EIF5B: variants seen among roughly 807,000 people sequenced by gnomAD.
EIF5B encodes the protein eukaryotic translation initiation factor 5B, also known as eIF-5B.
EIF5B carries 47 observed loss-of-function variants against 147.5 expected under a neutral mutation model. The ratio of observed to expected loss-of-function variants is 0.32; its 90% CI spans 0.25 to 0.41. The LOEUF (loss-of-function observed/expected upper bound fraction) is 0.41, where lower values mean the gene tolerates loss of function less well. Ranked by LOEUF, EIF5B falls within the 10% of genes least tolerant of loss-of-function variation. The pLI is 1.00. For missense variants in EIF5B, 1,064 were observed against 1,413.2 expected (o/e 0.75, Z 3.96); for synonymous variants, 455 against 456.2 (o/e 1.00, Z 0.03).
intron 14 of EIF5B, among the ~76,000 whole-genome samples, chr2:99,388,626 T>G (rs1674858908): frequency 6.6e-6 from 1 of 152,214 alleles, no homozygotes; most frequent in Non-Finnish European, 1.5e-5. Context: ...TACTGTTGAA[T>G]TTTTAGAATG....
At position 99,389,627 on chromosome 2, in the gene EIF5B, GAC is replaced by G. The variant is rs1674881876; in HGVS notation, c.2272-85_2272-84del. 5 of 1,250,176 alleles carry G rather than the reference GAC, an allele frequency of 4.0e-6. No individual in the cohort carries two copies. The South Asian group carries it at 6.3e-5, about 16-fold the overall frequency. 77.4% of individuals were successfully genotyped at this position (1,250,176 alleles called of 1,614,324 possible). On this transcript the variant is annotated intron_variant, in intron 14 of 23. Transcript: ENST00000289371. The stretch of plus-strand genomic sequence containing the variant: ...AAGTCACACTGTTCTGTATATATGA[GAC>G]ACACATGAGGAATTTTCTGGAGCTA...
intron 12 of EIF5B, 54 bp from the exon 13 acceptor site, chr2:99,382,105 G>A (rs1674702749): frequency 1.4e-6 from 2 of 1,476,902 alleles, no homozygotes; most frequent in Non-Finnish European, 1.9e-6. Context: ...GTTCTGTAAA[G>A]AAGCTTTCAT....
At chr2:99,343,969 A>G (rs1404372148) in intron 1 of EIF5B, among the ~76,000 whole-genome samples, 1 of 149,914 alleles carries the variant, frequency 6.7e-6, no homozygotes, top group Non-Finnish European at 1.5e-5. Flanking sequence ...CCTAGGCTGG[A>G]GTGCAGTGGC....
At chr2:99,396,954 C>G in intron 22 of EIF5B, 56 bp downstream of exon 22, 1 of 1,550,042 alleles carries the variant, frequency 6.5e-7, no homozygotes, top group Non-Finnish European at 8.7e-7. Flanking sequence ...AATGAGTGTC[C>G]AAGAGTCGTA....
At chr2:99,349,796 T>G (rs1673884341) in intron 1 of EIF5B, among the ~76,000 whole-genome samples, 1 of 152,206 alleles carries the variant, frequency 6.6e-6, no homozygotes, top group Admixed American at 6.5e-5. Context: ...CACTTGTCAT[T>G]TCTTTGTGAT....
intron 1 of EIF5B, among the ~76,000 whole-genome samples, chr2:99,347,737 A>G (rs796771285): frequency 6.6e-6 from 1 of 151,988 alleles, no homozygotes; most frequent in Non-Finnish European, 1.5e-5. Context: ...TGAGCTTTAC[A>G]TGACAGATTC....
At chr2:99,380,675 A>G (rs1010160396) in intron 12 of EIF5B, among the ~76,000 whole-genome samples, 4 of 152,196 alleles carry the variant, frequency 2.6e-5, no homozygotes, top group African/African-American at 9.7e-5. Context: ...CAAACAGAGC[A>G]TATGTTATTA....
At chr2:99,362,066 G>T (rs966202116) in intron 4 of EIF5B, among the ~76,000 whole-genome samples, 15 of 152,056 alleles carry the variant, frequency 9.9e-5, no homozygotes, top group African/African-American at 3.6e-4. Context: ...ATTGCATTAT[G>T]AAAACTATTT....
At position 99,396,764 on chromosome 2, in the gene EIF5B, A is replaced by C. The variant is rs1270582485; in HGVS notation, c.3259A>C (p.Ile1087Leu). The change falls in exon 22 of 24, where the codon ATA becomes CTA. Residue 1087 changes from isoleucine to leucine, a missense_variant. By Grantham distance (5) the Ile-to-Leu change is conservative. Transcript: ENST00000289371. ...KKQKQEEFKH[I>L]AVFPCKIKIL... Reference sequence around the variant, plus strand: ...TCTTTTCTTTTTTCCTTTCAGGCACATAGCAGTATTTCCCTGCAAGATAAA... The same window carrying C: ...TCTTTTCTTTTTTCCTTTCAGGCACCTAGCAGTATTTCCCTGCAAGATAAA... 1 of 1,602,546 alleles carries C rather than the reference A, an allele frequency of 6.2e-7. No individual in the cohort carries two copies. Among genetic ancestry groups the C allele is most frequent in the Non-Finnish European group, 8.5e-7 (1 of 1,177,002 alleles).
chr2:99,394,230 G>A, intron 18 of EIF5B, 37 bp from the exon 19 acceptor site: 1 of 1,584,218 alleles, frequency 6.3e-7, no homozygotes, highest in South Asian at 1.2e-5. Flanking sequence ...GGATAGAGGT[G>A]TGTTGACAAC....
chr2:99,397,922 A>G (rs1224313159), intron 22 of EIF5B: 1 of 144,022 alleles, frequency 6.9e-6, no homozygotes, highest in African/African-American at 2.6e-5. Context: ...TGAGTCATAG[A>G]CTCAGTGGGT....
chr2:99,352,429 A>G (rs917705445), intron 1 of EIF5B, among the ~76,000 whole-genome samples: 8 of 151,568 alleles, frequency 5.3e-5, no homozygotes, highest in Admixed American at 5.3e-4. Context: ...TCCCAACCTC[A>G]GGTGATCCAC....
chr2:99,398,640 C>T (rs1675120673), intron 22 of EIF5B, 108 bp from the exon 23 acceptor site: 4 of 1,253,474 alleles, frequency 3.2e-6, no homozygotes, highest in Non-Finnish European at 4.4e-6. Flanking sequence ...ACTGCCATGA[C>T]TTTTAAAACA....
At chr2:99,384,330 GAA>G (rs1342519533) in intron 14 of EIF5B, among the ~76,000 whole-genome samples, 1 of 151,926 alleles carries the variant, frequency 6.6e-6, no homozygotes, top group Non-Finnish European at 1.5e-5. Flanking sequence ...ACTGCTCAGA[GAA>G]AAAGATTGCT....
At chr2:99,354,121 A>G (rs1674042874) in intron 1 of EIF5B, among the ~76,000 whole-genome samples, 1 of 152,200 alleles carries the variant, frequency 6.6e-6, no homozygotes, top group South Asian at 2.1e-4. Context: ...TGTTTTCCAG[A>G]GTGGCATTGC....
In EIF5B at chr2:99,394,129, G is replaced by A. The variant is rs953770119; in HGVS notation, c.2881-138G>A. ...CCTCCTTCATTCCAGCACAGGTTCTGTGATGCCTTGCTCTATCTAAGCCTT... is the reference window on the plus strand; with the variant it reads ...CCTCCTTCATTCCAGCACAGGTTCTATGATGCCTTGCTCTATCTAAGCCTT... On this transcript the variant is annotated intron_variant, in intron 18 of 23. Coordinates refer to ENST00000289371, the MANE Select transcript of EIF5B (RefSeq NM_015904.4). 1.4e-5 allele frequency: 16 copies of A among 1,111,300 alleles called. No homozygotes were observed. In the African/African-American group the frequency reaches 1.7e-4, roughly 12 times the overall value. 68.8% of individuals were successfully genotyped at this position (1,111,300 alleles called of 1,614,324 possible).
chr2:99,337,917 T>C (rs2094247152), intron 1 of EIF5B, among the ~76,000 whole-genome samples: 1 of 152,260 alleles, frequency 6.6e-6, no homozygotes, highest in Non-Finnish European at 1.5e-5. Context: ...GTGTGAGTTT[T>C]TTTCCGCGCT....
intron 13 of EIF5B, 39 bp downstream of exon 13, chr2:99,382,265 C>A: frequency 6.4e-7 from 1 of 1,571,054 alleles, no homozygotes; most frequent in Non-Finnish European, 8.8e-7. Flanking sequence ...AAGCAATCTA[C>A]TTGAAACCAT....
At position 99,389,750 on chromosome 2, in the gene EIF5B, T is replaced by A. The variant is rs764856685; in HGVS notation, c.2304T>A (p.Pro768=). The change falls in exon 15 of 24, where the codon CCT becomes CCA. Residue 768 remains proline, a synonymous_variant. Transcript: ENST00000289371. ...GGTTATATGATTGGAAAAAGAGTCC[T>A]GACTCTGATGTGGCTGCTACTTTAA... ...IDRLYDWKKS[P]DSDVAATLKK... 15 of 1,611,008 alleles carry A rather than the reference T, an allele frequency of 9.3e-6. No homozygotes were observed. The highest frequency in any genetic ancestry group is 6.8e-6 in the Non-Finnish European group (8 of 1,179,344).
Sources: allele counts gnomAD v4.1 joint callset (sites outside exome capture counted in the v4.1 genomes callset), GRCh38; gene constraint gnomAD v4.1.1; transcripts MANE v1.5; gene names NCBI Gene and HGNC (gene_info 2026-07-23, HGNC 2026-07-21).